ATP6V0D2: variants seen among roughly 807,000 people sequenced by gnomAD.
ATP6V0D2 encodes the protein ATPase H+ transporting V0 subunit d2.
A neutral mutation model predicts 40.0 loss-of-function variants in ATP6V0D2; 40 were observed. That is an observed-to-expected ratio of 1.00 (90% CI 0.78 to 1.30). The LOEUF (loss-of-function observed/expected upper bound fraction) is 1.30. ATP6V0D2 is among the 50% of genes most tolerant of loss of function. The pLI is 0.00. For missense variants in ATP6V0D2, 470 were observed against 423.1 expected, an observed-to-expected ratio of 1.11 and a Z score of -0.97; for synonymous variants, 179 against 156.3, an observed-to-expected ratio of 1.15 and a Z score of -1.08.
At chr8:86,117,531 G>A (rs1818605686) in intron 2 of ATP6V0D2, among the ~76,000 whole-genome samples, 1 of 152,146 alleles carries the variant, frequency 6.6e-6, no homozygotes, top group Non-Finnish European at 1.5e-5. Context: ...ACTTTAGTGC[G>A]GATGTTTCTT....
At chr8:86,111,142 C>A (rs1163402062) in intron 1 of ATP6V0D2, among the ~76,000 whole-genome samples, 1 of 151,900 alleles carries the variant, frequency 6.6e-6, no homozygotes, top group Non-Finnish European at 1.5e-5. Context: ...CCCTCACCCT[C>A]TCACTTGTCC....
Position 86,124,101 on chromosome 8 carries a change from C to A in ATP6V0D2, c.302+10221C>A, listed in dbSNP as rs376272155. Among the ~76,000 whole-genome samples, 13 of 152,246 alleles carry A rather than the reference C, an allele frequency of 8.5e-5. No individual in the cohort carries two copies. In the East Asian group the frequency reaches 2.3e-3, roughly 27 times the overall value. On this transcript the variant is annotated intron_variant, in intron 2 of 7. Transcript: ENST00000285393. ...TCCTGAGTCTCTGGTCGGAAAAGTT[C>A]TTCTGTGGTCTTATAGATTGCACTG...
intron 5 of ATP6V0D2, among the ~76,000 whole-genome samples, chr8:86,145,295 AAGAAAGAAAG>A (rs2130280242): frequency 4.4e-5 from 5 of 112,690 alleles, no homozygotes; most frequent in African/African-American, 1.7e-4. Flanking sequence ...GAAAGAAAGA[AAGAAAGAAAG>A]AAAGAAAAGA....
rs533697314 is a variant in ATP6V0D2, at chr8:86,119,621, T to C, written c.302+5741T>C. On this transcript the variant is annotated intron_variant, in intron 2 of 7. Coordinates refer to ENST00000285393, the MANE Select transcript of ATP6V0D2 (RefSeq NM_152565.1). ...ACAACAAACTACTGTGTTACAAATA[T>C]ACTGTTTCTAAAACAAAAATAATTA... is the stretch of plus-strand genomic sequence containing the variant. 1.8e-4 allele frequency among the ~76,000 whole-genome samples: 27 copies of C among 152,332 alleles called. No individual in the cohort carries two copies. In the South Asian group the frequency reaches 5.0e-3, roughly 28 times the overall value.
At chr8:86,122,937 A>G (rs1004543638) in intron 2 of ATP6V0D2, among the ~76,000 whole-genome samples, 1 of 152,206 alleles carries the variant, frequency 6.6e-6, no homozygotes, top group Non-Finnish European at 1.5e-5. Context: ...TTTGTCACTA[A>G]GTCTCTAAAT....
intron 2 of ATP6V0D2, among the ~76,000 whole-genome samples, chr8:86,127,039 G>T (rs771096633): frequency 1.3e-5 from 2 of 152,186 alleles, no homozygotes; most frequent in Non-Finnish European, 2.9e-5. Context: ...GGAAAAACAA[G>T]TGTGACAGCA....
At chr8:86,123,705 A>G (rs1818702932) in intron 2 of ATP6V0D2, among the ~76,000 whole-genome samples, 2 of 152,156 alleles carry the variant, frequency 1.3e-5, no homozygotes, top group Non-Finnish European at 2.9e-5. Flanking sequence ...AGTGGATTTT[A>G]TTTTTAGTTC....
intron 1 of ATP6V0D2, among the ~76,000 whole-genome samples, chr8:86,109,971 C>T (rs1818511330): frequency 6.6e-6 from 1 of 152,162 alleles, no homozygotes; most frequent in African/African-American, 2.4e-5. Context: ...CCAAACCCTC[C>T]CTAGGACAGT....
chr8:86,100,828 A>T (rs1323202882), intron 1 of ATP6V0D2, among the ~76,000 whole-genome samples: 2 of 152,064 alleles, frequency 1.3e-5, no homozygotes, highest in South Asian at 2.1e-4. Flanking sequence ...ATTTAAATGC[A>T]AGGAATACAT....
intron 2 of ATP6V0D2, among the ~76,000 whole-genome samples, chr8:86,115,032 CTG>C (rs1818575131): frequency 2.6e-5 from 4 of 152,302 alleles, no homozygotes; most frequent in Middle Eastern, 6.8e-3. Context: ...ATGTCAAACA[CTG>C]TGCTCAGTAC....
chr8:86,132,367 T>C (rs1025940469), intron 2 of ATP6V0D2, among the ~76,000 whole-genome samples: 2 of 152,172 alleles, frequency 1.3e-5, no homozygotes, highest in African/African-American at 4.8e-5. Flanking sequence ...TAATATGTCA[T>C]ACATTGTTGT....
At chr8:86,126,620 A>G (rs1818748773) in intron 2 of ATP6V0D2, among the ~76,000 whole-genome samples, 1 of 152,130 alleles carries the variant, frequency 6.6e-6, no homozygotes, top group Non-Finnish European at 1.5e-5. Context: ...TGCTACTGCC[A>G]ATGTATATAG....
At chr8:86,133,993 A>C (rs1448400845) in intron 2 of ATP6V0D2, among the ~76,000 whole-genome samples, 1 of 152,180 alleles carries the variant, frequency 6.6e-6, no homozygotes, top group African/African-American at 2.4e-5. Context: ...AACAGGAAAA[A>C]TCCAATGAAA....
Position 86,138,596 on chromosome 8 carries a change from A to G in ATP6V0D2, c.303-861A>G, listed in dbSNP as rs570721961. Among the ~76,000 whole-genome samples the G allele has an allele frequency of 1.2e-4, 19 of 152,366 alleles. No homozygotes were observed. In the East Asian group the frequency reaches 3.5e-3, roughly 28 times the overall value. ...TTAAAATATGAATTAATATGAATTA[A>G]TAAACTCGGGGATGTGAGGAAGGTG... is the stretch of plus-strand genomic sequence containing the variant. On this transcript the variant is annotated intron_variant, in intron 2 of 7. Coordinates refer to ENST00000285393, the MANE Select transcript of ATP6V0D2 (RefSeq NM_152565.1).
intron 4 of ATP6V0D2, among the ~76,000 whole-genome samples, chr8:86,141,943 C>T (rs1238558901): frequency 1.3e-5 from 2 of 152,092 alleles, no homozygotes; most frequent in Non-Finnish European, 2.9e-5. Context: ...GCTAATCTGC[C>T]CACACAATTT....
chr8:86,152,626 T>C (rs1424610534), intron 7 of ATP6V0D2, among the ~76,000 whole-genome samples, 190 bp from the exon 8 acceptor site: 2 of 152,246 alleles, frequency 1.3e-5, no homozygotes, highest in Admixed American at 1.3e-4. Flanking sequence ...TCTACATTTA[T>C]CTGCAGAGTG....
intron 1 of ATP6V0D2, among the ~76,000 whole-genome samples, chr8:86,108,608 T>G (rs1818497264): frequency 6.6e-6 from 1 of 152,138 alleles, no homozygotes; most frequent in Non-Finnish European, 1.5e-5. Flanking sequence ...CACTTCTCTT[T>G]ATTTTTAGTA....
chr8:86,119,876 A>G (rs1818645959), intron 2 of ATP6V0D2, among the ~76,000 whole-genome samples: 1 of 152,158 alleles, frequency 6.6e-6, no homozygotes, highest in Non-Finnish European at 1.5e-5. Context: ...TGGACTCCCT[A>G]TTACCTAATG....
Position 86,150,113 on chromosome 8 carries a change from T to A in ATP6V0D2, c.641T>A (p.Phe214Tyr). The A allele has an allele frequency of 6.2e-7, 1 of 1,610,358 alleles. No homozygotes were observed. Among genetic ancestry groups the A allele is most frequent in the East Asian group, 2.2e-5 (1 of 44,750 alleles). Reference sequence around the variant, plus strand: ...ACTGGTTTTGTCTTGCAAATTCAGTTTGAGGCCGACAGACGTGCTTTTATC... The same window carrying A: ...ACTGGTTTTGTCTTGCAAATTCAGTATGAGGCCGACAGACGTGCTTTTATC... ...TAEVMCPILE[F>Y]EADRRAFIIT... is the part of the protein sequence containing the mutation. The change falls in exon 6 of 8, where the codon TTT becomes TAT. Residue 214 changes from phenylalanine to tyrosine, a missense_variant and splice_region_variant. Transcript: ENST00000285393.
Sources: gnomAD v4.1 joint callset for allele counts (sites outside exome capture counted in the v4.1 genomes callset) on GRCh38, gnomAD v4.1.1 for gene constraint, MANE v1.5 for transcripts, NCBI Gene and HGNC (gene_info 2026-07-23, HGNC 2026-07-21) for gene names.